The following NDUFA9 variants were observed in gnomAD, a reference collection of about 807,000 sequenced individuals.
The protein encoded by NDUFA9 is NADH dehydrogenase [ubiquinone] 1 alpha subcomplex subunit 9, mitochondrial.
Under a neutral mutation model 45.9 loss-of-function variants are expected in NDUFA9, and 23 were observed. The observed-to-expected ratio is 0.50, with a 90% CI of 0.36 to 0.71. NDUFA9 has a LOEUF of 0.71. Among genes scored for constraint, NDUFA9 ranks in the 30% least tolerant of loss-of-function variants. NDUFA9 has a pLI of 0.00. For synonymous variants in NDUFA9, 176 were observed against 170.5 expected (o/e 1.03, Z -0.25); for missense variants, 466 against 488.2 (o/e 0.95, Z 0.43).
intron 8 of NDUFA9, among the ~76,000 whole-genome samples, chr12:4,679,239 G>A (rs1174364827): frequency 6.6e-6 from 1 of 152,168 alleles, no homozygotes; most frequent in Non-Finnish European, 1.5e-5. Flanking sequence ...GATTGCCTGA[G>A]CCTGGGAGTA....
chr12:4,677,242 C>A (rs2137481874), intron 8 of NDUFA9, among the ~76,000 whole-genome samples: 1 of 152,256 alleles, frequency 6.6e-6, no homozygotes, highest in East Asian at 1.9e-4. Flanking sequence ...TAGGCATGGG[C>A]AAAGACTTCG....
Position 4,690,149 on chromosome 12 carries a change from C to T in NDUFA9, c.*3041C>T, listed in dbSNP as rs1042958874. On this transcript the variant is annotated 3_prime_UTR_variant, in exon 11 of 11. Transcript: ENST00000266544. ...GGCTGTCCCCATAGAGACTTCAAGC[C>T]ACACCTTTCTAGGGATTCAGGTTGC... is the stretch of plus-strand genomic sequence containing the variant. 1 of 152,174 alleles carries T rather than the reference C, an allele frequency of 6.6e-6. No homozygotes were observed. Among genetic ancestry groups the T allele is most frequent in the African/African-American group, 2.4e-5 (1 of 41,416 alleles). 9.4% of individuals were successfully genotyped at this position (152,174 alleles called of 1,614,324 possible).
intron 5 of NDUFA9, among the ~76,000 whole-genome samples, chr12:4,661,579 A>T (rs1648007352): frequency 6.6e-6 from 1 of 151,850 alleles, no homozygotes; most frequent in Non-Finnish European, 1.5e-5. Flanking sequence ...GTAAAGGACA[A>T]AGGGACAAGG....
In NDUFA9 at chr12:4,682,351, A is replaced by G; in HGVS notation, c.896+51A>G. ...ACTTCTGAAAAAGCCAGCTCCACACACTTGTTCCTAATGTTCTCCCTTAGG... is the reference window on the plus strand; with the variant it reads ...ACTTCTGAAAAAGCCAGCTCCACACGCTTGTTCCTAATGTTCTCCCTTAGG... On this transcript the variant is annotated intron_variant, in intron 9 of 10. Coordinates refer to ENST00000266544, the MANE Select transcript of NDUFA9 (RefSeq NM_005002.5). 4 of 1,363,052 alleles carry G rather than the reference A, an allele frequency of 2.9e-6. No individual in the cohort carries two copies. The East Asian group carries it at 9.2e-5, about 31-fold the overall frequency. The allele number at this position is 1,363,052 out of a possible 1,614,324, so 84.4% of individuals were successfully genotyped here.
intron 9 of NDUFA9, 85 bp downstream of exon 9, chr12:4,682,385 G>A (rs1489337071): frequency 1.1e-6 from 1 of 882,598 alleles, no homozygotes; most frequent in East Asian, 2.6e-5. Context: ...GGGTTATAGG[G>A]TGTGTGAAGG....
intron 10 of NDUFA9, 22 bp from the exon 11 acceptor site, chr12:4,686,916 G>A: frequency 6.2e-7 from 1 of 1,610,796 alleles, no homozygotes; most frequent in East Asian, 2.2e-5. Context: ...AGCATTGTCT[G>A]TGGTCCTTTG....
At chr12:4,685,455 A>G (rs1041542776) in intron 10 of NDUFA9, 130 bp downstream of exon 10, 14 of 800,360 alleles carry the variant, frequency 1.7e-5, no homozygotes, top group Non-Finnish European at 2.8e-5. Context: ...CAGCCCCTCT[A>G]CTAGCGCTGA....
intron 8 of NDUFA9, 152 bp from the exon 9 acceptor site, chr12:4,682,053 T>C: frequency 2.2e-6 from 1 of 454,528 alleles, no homozygotes; most frequent in African/African-American, 2.0e-5. Context: ...CTATCTTTCA[T>C]AATGGGATTA....
At chr12:4,656,097 A>G (rs1945788955) in intron 3 of NDUFA9, 1 of 152,212 alleles carries the variant, frequency 6.6e-6, no homozygotes, top group African/African-American at 2.4e-5. Context: ...CTCTGGTAAT[A>G]TTCATACAGA....
chr12:4,659,240 C>A (rs963532190), intron 5 of NDUFA9, 63 bp downstream of exon 5: 3 of 1,443,204 alleles, frequency 2.1e-6, no homozygotes, highest in African/African-American at 2.8e-5. Flanking sequence ...CCATTTGAAA[C>A]ATGATTTCAG....
chr12:4,673,553 C>T (rs1283086105), intron 8 of NDUFA9, among the ~76,000 whole-genome samples: 5 of 152,094 alleles, frequency 3.3e-5, no homozygotes, highest in Admixed American at 6.6e-5. Flanking sequence ...ATAGCCGAAT[C>T]GATCAGGTGG....
intron 1 of NDUFA9, among the ~76,000 whole-genome samples, chr12:4,652,632 T>C (rs1006900621): frequency 3.3e-5 from 5 of 152,194 alleles, no homozygotes; most frequent in Non-Finnish European, 5.9e-5. Context: ...TCTGAGTTTT[T>C]CTCCTACCTC....
chr12:4,657,108 C>A (rs1591542930), intron 3 of NDUFA9: 1 of 152,356 alleles, frequency 6.6e-6, no homozygotes, highest in African/African-American at 2.4e-5. Context: ...CTAAGAAATT[C>A]TTATTACTTG....
chr12:4,684,275 T>A (rs1301153081), intron 9 of NDUFA9, among the ~76,000 whole-genome samples: 1 of 152,222 alleles, frequency 6.6e-6, no homozygotes, highest in Non-Finnish European at 1.5e-5. Context: ...TGCATTAGAA[T>A]GTTGTTTTTC....
At position 4,690,632 on chromosome 12, in the gene NDUFA9, C is replaced by T. The variant is rs1946013975; in HGVS notation, c.*3524C>T. On this transcript the variant is annotated 3_prime_UTR_variant, in exon 11 of 11. Coordinates refer to ENST00000266544, the MANE Select transcript of NDUFA9 (RefSeq NM_005002.5). ...GACTGAGGCAGGAGAATCACTGAAACCTGGGAGGCAGAGGTTGCAGTGAGC... is the reference window on the plus strand; with the variant it reads ...GACTGAGGCAGGAGAATCACTGAAATCTGGGAGGCAGAGGTTGCAGTGAGC... 6.6e-6 allele frequency: 1 copy of T among 152,134 alleles called. No homozygotes were observed. The highest frequency in any genetic ancestry group is 2.1e-4 in the South Asian group (1 of 4,820). The allele number at this position is 152,134 out of a possible 1,614,324, so 9.4% of individuals were successfully genotyped here.
In NDUFA9 at chr12:4,691,106, A is replaced by T. The variant is rs1946016583; in HGVS notation, c.*3998A>T. The stretch of plus-strand genomic sequence containing the variant: ...AGTTCCACTACTTCTTAGTTGTGAG[A>T]TTGGACAAGTCACTTGACCTCTCTT... On this transcript the variant is annotated 3_prime_UTR_variant, in exon 11 of 11. Coordinates refer to ENST00000266544, the MANE Select transcript of NDUFA9 (RefSeq NM_005002.5). 1 of 152,190 alleles carries T rather than the reference A, an allele frequency of 6.6e-6. No individual in the cohort carries two copies. The highest frequency in any genetic ancestry group is 1.5e-5 in the Non-Finnish European group (1 of 68,040). 9.4% of individuals were successfully genotyped at this position (152,190 alleles called of 1,614,324 possible).
intron 9 of NDUFA9, chr12:4,685,037 C>A: frequency 3.0e-6 from 2 of 659,518 alleles, no homozygotes; most frequent in South Asian, 1.6e-5. Context: ...TGGAGGAGAA[C>A]AAAGTGTACC....
At chr12:4,662,449 A>T in intron 5 of NDUFA9, 84 bp from the exon 6 acceptor site, 2 of 993,906 alleles carry the variant, frequency 2.0e-6, no homozygotes, top group Non-Finnish European at 3.2e-6. Context: ...TTTGAAATAC[A>T]AGTCATGTCT....
At chr12:4,662,118 C>T (rs1226142663) in intron 5 of NDUFA9, among the ~76,000 whole-genome samples, 1 of 152,232 alleles carries the variant, frequency 6.6e-6, no homozygotes, top group East Asian at 1.9e-4. Flanking sequence ...CTATCCCCAA[C>T]CTCCTTTGGA....
Sources: allele counts gnomAD v4.1 joint callset (sites outside exome capture counted in the v4.1 genomes callset), GRCh38; gene constraint gnomAD v4.1.1; transcripts MANE v1.5; gene names NCBI Gene and HGNC (gene_info 2026-07-23, HGNC 2026-07-21).